The following IRS2 variants were observed in gnomAD, a reference collection of about 807,000 sequenced individuals.
IRS2 encodes the protein insulin receptor substrate 2.
A neutral mutation model predicts 70.9 loss-of-function variants in IRS2; 28 were observed. The observed-to-expected ratio is 0.39, with a 90% CI of 0.29 to 0.54. The LOEUF (loss-of-function observed/expected upper bound fraction) is 0.54, where lower values mean the gene tolerates loss of function less well. IRS2 is among the 20% of genes least tolerant of loss of function. The pLI is 0.59. For missense variants in IRS2, 2,081 were observed against 2,024.1 expected (o/e 1.03, Z -0.54); for synonymous variants, 1,217 against 981.9 (o/e 1.24, Z -4.48).
intron 1 of IRS2, among the ~76,000 whole-genome samples, 155 bp from the exon 2 acceptor site, chr13:109,756,463 C>T (rs114658962): frequency 0.015 from 2,344 of 152,222 alleles, 58 homozygotes; most frequent in African/African-American, 0.053. Context: ...ATTCTGTTTT[C>T]CAGAGGTGAG....
chr13:109,785,793 G>A lies in IRS2; in HGVS notation c.261C>T (p.Gly87=), dbSNP rs2138939220. ...CGAGAGCGATCACCCGTTTCGGCGC[G>A]CCTGCCTTGCTCCGCCACTTTTTCT... is the stretch of plus-strand genomic sequence containing the variant. ...ESEKKWRSKA[G]APKRVIALDC... The change falls in exon 1 of 2, where the codon GGC becomes GGT. Residue 87 remains glycine (G), a synonymous_variant. Coordinates refer to ENST00000375856, the MANE Select transcript of IRS2 (RefSeq NM_003749.3). The surrounding 1 kb of genome is among the most constrained non-coding windows in gnomAD (Gnocchi z 9.3). 6.3e-7 allele frequency: 1 copy of A among 1,577,652 alleles called. No individual in the cohort carries two copies. Among genetic ancestry groups the A allele is most frequent in the Non-Finnish European group, 8.6e-7 (1 of 1,169,410 alleles).
rs983853918 is a variant in IRS2, at chr13:109,752,918, T to C, written c.*3386A>G. ...TGTATTCTTGATGTATGCATCGGTATGTCTTCTTCTGTGTTTGTGTCATGG... is the reference window on the plus strand; with the variant it reads ...TGTATTCTTGATGTATGCATCGGTACGTCTTCTTCTGTGTTTGTGTCATGG... On this transcript the variant is annotated 3_prime_UTR_variant, in exon 2 of 2. Coordinates refer to ENST00000375856, the MANE Select transcript of IRS2 (RefSeq NM_003749.3). The C allele has an allele frequency of 2.6e-5, 4 of 152,030 alleles. No homozygotes were observed. Among genetic ancestry groups the C allele is most frequent in the African/African-American group, 9.7e-5 (4 of 41,392 alleles). 9.4% of individuals were successfully genotyped at this position (152,030 alleles called of 1,614,324 possible).
At chr13:109,767,967 G>A (rs989828449) in intron 1 of IRS2, among the ~76,000 whole-genome samples, 2 of 152,168 alleles carry the variant, frequency 1.3e-5, no homozygotes, top group Non-Finnish European at 2.9e-5. Context: ...TCCTGATCTT[G>A]TAATCCACCA....
intron 1 of IRS2, among the ~76,000 whole-genome samples, chr13:109,781,183 A>G (rs541865339): frequency 3.3e-5 from 5 of 152,238 alleles, no homozygotes; most frequent in Non-Finnish European, 5.9e-5. Flanking sequence ...TAATTTTTCA[A>G]TCCTCCCCAG....
chr13:109,782,726 G>C lies in IRS2; in HGVS notation c.3328C>G (p.Leu1110Val). The C allele has an allele frequency of 6.3e-7, 1 of 1,596,730 alleles. No homozygotes were observed. The highest frequency in any genetic ancestry group is 8.5e-7 in the Non-Finnish European group (1 of 1,172,478). ...SPTSGVKRLS[L>V]MEQVSGVEAF... ...TCGACTCCCGACACCTGCTCCATGA[G>C]GCTCAGCCTCTTCACGCCCGACGTC... The change falls in exon 1 of 2, where the codon CTC (leucine) becomes GTC (valine). Residue 1110 changes from leucine to valine, a missense_variant. Around this residue, in one of 4 missense-constraint regions of IRS2, gnomAD observed 1,615 missense variants for 1,459.5 expected, o/e 1.11. Transcript: ENST00000375856.
chr13:109,786,384 C>T lies in IRS2; in HGVS notation c.-331G>A, dbSNP rs1877929374. On this transcript the variant is annotated 5_prime_UTR_variant, in exon 1 of 2. Coordinates refer to ENST00000375856, the MANE Select transcript of IRS2 (RefSeq NM_003749.3). This position sits in a 1 kb window ranked among gnomAD's most constrained non-coding sequence, Gnocchi z 4.4. ...CGCTCGCTGGGCCGGGAGTCGGGGT[C>T]CCCGAGCCGCGGGGCCGAGCCTAAG... 6.8e-6 allele frequency: 1 copy of T among 147,224 alleles called. No individual in the cohort carries two copies. The highest frequency in any genetic ancestry group is 1.5e-5 in the Non-Finnish European group (1 of 65,904). The allele number at this position is 147,224 out of a possible 1,614,324, so 9.1% of individuals were successfully genotyped here.
chr13:109,759,819 T>A (rs1017748003), intron 1 of IRS2, among the ~76,000 whole-genome samples: 6 of 151,954 alleles, frequency 3.9e-5, no homozygotes, highest in Non-Finnish European at 7.4e-5. Flanking sequence ...GTGCCCCTGG[T>A]TGAAACCACC....
chr13:109,755,099 T>C lies in IRS2; in HGVS notation c.*1205A>G. The C allele has an allele frequency of 4.3e-6, 1 of 231,990 alleles. No individual in the cohort carries two copies. The highest frequency in any genetic ancestry group is 8.5e-6 in the Non-Finnish European group (1 of 117,274). The allele number at this position is 231,990 out of a possible 1,614,324, so 14.4% of individuals were successfully genotyped here. ...CTGAAAACATAAAACAAGGGTAGTC[T>C]TGTCCGGAATTTTTTCGACAAGTAA... On this transcript the variant is annotated 3_prime_UTR_variant, in exon 2 of 2. Transcript: ENST00000375856.
At chr13:109,771,215 C>T (rs576795044) in intron 1 of IRS2, among the ~76,000 whole-genome samples, 2 of 152,008 alleles carry the variant, frequency 1.3e-5, no homozygotes, top group African/African-American at 4.8e-5. Flanking sequence ...TCAACAATGT[C>T]TTTGCATCAA....
rs1374300799 is a variant in IRS2 at position 109,782,466 on chromosome 13, C to T, written c.3588G>A (p.Gly1196=). ...GTGGGGAGGTGGGCGGCTCGTCGCC[C>T]CCTCCAGGGCCGACACCCACGCCGC... The part of the protein sequence containing the change: ...SEGGVGVGPG[G]GDEPPTSPRQ... Residue 1196 remains glycine, a synonymous_variant, in exon 1 of 2, where the codon GGG becomes GGA. Transcript: ENST00000375856. The T allele has an allele frequency of 1.3e-6, 2 of 1,562,724 alleles. No individual in the cohort carries two copies. Among genetic ancestry groups the T allele is most frequent in the Non-Finnish European group, 1.7e-6 (2 of 1,154,144 alleles).
chr13:109,785,519 C>G lies in IRS2; in HGVS notation c.535G>C (p.Gly179Arg), dbSNP rs2138938457. Residue 179 changes from glycine (G) to arginine (R), a missense_variant, in exon 1 of 2, where the codon GGG becomes CGG. Coordinates refer to ENST00000375856, the MANE Select transcript of IRS2 (RefSeq NM_003749.3). The surrounding 1 kb of genome is among the most constrained non-coding windows in gnomAD (Gnocchi z 9.3). ...GALGGSAGAA[G>R]AEDSYGLVAP... ...ACCAGCCCGTAGCTGTCCTCGGCCC[C>G]GGCGGCGCCGGCAGAGCCGCCCAGG... 1 of 1,600,190 alleles carries G rather than the reference C, an allele frequency of 6.2e-7. No individual in the cohort carries two copies. The highest frequency in any genetic ancestry group is 1.3e-5 in the African/African-American group (1 of 74,526).
chr13:109,771,018 G>A (rs1396507633), intron 1 of IRS2, among the ~76,000 whole-genome samples: 1 of 152,110 alleles, frequency 6.6e-6, no homozygotes, highest in Non-Finnish European at 1.5e-5. Context: ...ATTTCATCTC[G>A]AACTAGGAAC....
At chr13:109,772,041 T>C (rs534885736) in intron 1 of IRS2, among the ~76,000 whole-genome samples, 1 of 152,276 alleles carries the variant, frequency 6.6e-6, no homozygotes. Flanking sequence ...TCCATCCATC[T>C]GGGTATGGGA....
Position 109,785,005 on chromosome 13 carries a change from G to T in IRS2, c.1049C>A (p.Thr350Asn), listed in dbSNP as rs1339807152. 1.4e-6 allele frequency: 2 copies of T among 1,416,410 alleles called. No individual in the cohort carries two copies. The highest frequency in any genetic ancestry group is 2.8e-5 in the East Asian group (1 of 36,084). The allele number at this position is 1,416,410 out of a possible 1,614,324, so 87.7% of individuals were successfully genotyped here. A position where few individuals can be genotyped will look rare whatever the true frequency, so the allele number is the denominator to read the frequency against. ...RRSRTDSLAATPPAAKCSSCR... is the reference protein window; with the variant it reads ...RRSRTDSLAANPPAAKCSSCR... Reference sequence around the variant, plus strand: ...CGAGCTGCACTTGGCCGCCGGCGGGGTGGCGGCCAGGCTGTCGGTGCGCGA... The same window carrying T: ...CGAGCTGCACTTGGCCGCCGGCGGGTTGGCGGCCAGGCTGTCGGTGCGCGA... The change falls in exon 1 of 2, where the codon ACC becomes AAC. Residue 350 changes from threonine to asparagine, a missense_variant. Coordinates refer to ENST00000375856, the MANE Select transcript of IRS2 (RefSeq NM_003749.3). This position sits in a 1 kb window ranked among gnomAD's most constrained non-coding sequence, Gnocchi z 9.3.
Position 109,785,988 on chromosome 13 carries a change from G to A in IRS2, c.66C>T (p.Asn22=), listed in dbSNP as rs2138939820. ...PASGDGPNLN[N]NNNNNNHSVR... Reference sequence around the variant, plus strand: ...CGCTGTGGTTGTTGTTGTTGTTGTTGTTGTTGAGGTTGGGGCCGTCTCCGC... The same window carrying A: ...CGCTGTGGTTGTTGTTGTTGTTGTTATTGTTGAGGTTGGGGCCGTCTCCGC... Residue 22 remains asparagine, a synonymous_variant, in exon 1 of 2, where the codon AAC becomes AAT. Transcript: ENST00000375856. This position sits in a 1 kb window ranked among gnomAD's most constrained non-coding sequence, Gnocchi z 9.3. The A allele has an allele frequency of 1.7e-5, 25 of 1,479,826 alleles. No individual in the cohort carries two copies. The highest frequency in any genetic ancestry group is 2.1e-5 in the Non-Finnish European group (24 of 1,120,806). 91.7% of individuals were successfully genotyped at this position (1,479,826 alleles called of 1,614,324 possible).
chr13:109,764,013 T>C (rs1408701405), intron 1 of IRS2, among the ~76,000 whole-genome samples: 1 of 152,228 alleles, frequency 6.6e-6, no homozygotes, highest in African/African-American at 2.4e-5. Flanking sequence ...CAAATCCATC[T>C]ATCTAATTTA....
At chr13:109,780,548 G>A (rs1398548888) in intron 1 of IRS2, among the ~76,000 whole-genome samples, 1 of 152,136 alleles carries the variant, frequency 6.6e-6, no homozygotes, top group Non-Finnish European at 1.5e-5. Context: ...TAGAATAACA[G>A]GGAGTTCACC....
rs1394000195 is a variant in IRS2 at position 109,754,719 on chromosome 13, T to C, written c.*1585A>G. 5.1e-6 allele frequency: 1 copy of C among 194,836 alleles called. No individual in the cohort carries two copies. Among genetic ancestry groups the C allele is most frequent in the Admixed American group, 6.1e-5 (1 of 16,418 alleles). 12.1% of individuals were successfully genotyped at this position (194,836 alleles called of 1,614,324 possible). A position where few individuals can be genotyped will look rare whatever the true frequency, so the allele number is the denominator to read the frequency against. On this transcript the variant is annotated 3_prime_UTR_variant, in exon 2 of 2. Transcript: ENST00000375856. ...GTTCAGCACGGAAGCAGGAAGACTT[T>C]TGCATTGCCATTAAATATATTTTTA...
At chr13:109,764,248 C>T (rs150156341) in intron 1 of IRS2, among the ~76,000 whole-genome samples, 4,919 of 152,266 alleles carry the variant, frequency 0.032, 129 homozygotes, top group Non-Finnish European at 0.047. Flanking sequence ...GCCATTCCCA[C>T]GACTCTCAGG....
Sources: allele counts gnomAD v4.1 joint callset (sites outside exome capture counted in the v4.1 genomes callset), GRCh38; gene constraint gnomAD v4.1.1; regional missense constraint gnomAD v4.1.1; non-coding constraint Gnocchi (gnomAD v3.1); transcripts MANE v1.5; gene names NCBI Gene and HGNC (gene_info 2026-07-23, HGNC 2026-07-21).